PC: variants seen among roughly 807,000 people sequenced by gnomAD.
The protein encoded by PC is pyruvate carboxylase.
PC carries 46 observed loss-of-function variants against 107.8 expected under a neutral mutation model. The ratio of observed to expected loss-of-function variants is 0.43; its 90% CI spans 0.34 to 0.55. The LOEUF (loss-of-function observed/expected upper bound fraction) is 0.55. Among genes scored for constraint, PC ranks in the 20% least tolerant of loss-of-function variants. PC has a pLI of 0.04. For missense variants in PC, 1,241 were observed against 1,643.1 expected (o/e 0.76, Z 4.23); for synonymous variants, 662 against 684.7 (o/e 0.97, Z 0.52).
chr11:66,872,052 G>A lies in PC; in HGVS notation c.108C>T (p.Pro36=), dbSNP rs1226912880. The A allele has an allele frequency of 1.3e-6, 2 of 1,562,986 alleles. No individual in the cohort carries two copies. The highest frequency in any genetic ancestry group is 1.7e-6 in the Non-Finnish European group (2 of 1,153,610). The change falls in exon 4 of 23, where the codon CCC becomes CCT. Residue 36 remains proline, a synonymous_variant. Coordinates refer to ENST00000393960, the MANE Select transcript of PC (RefSeq NM_001040716.2). ...SPNVRRLEYK[P]IKKVMVANRG... ...TGTTGGCCACCATGACTTTCTTGAT[G>A]GGCTTATACTCCAGGCGCCGGACAT...
At chr11:66,919,533 G>A (rs1948544491) in intron 3 of PC, among the ~76,000 whole-genome samples, 1 of 152,210 alleles carries the variant, frequency 6.6e-6, no homozygotes, top group Non-Finnish European at 1.5e-5. Flanking sequence ...GAGATGAGAA[G>A]TCATTGGCTG....
chr11:66,875,549 G>C (rs1163794113), intron 3 of PC, among the ~76,000 whole-genome samples: 1 of 152,082 alleles, frequency 6.6e-6, no homozygotes, highest in Non-Finnish European at 1.5e-5. Flanking sequence ...GAGTCTGGCC[G>C]AGGAGGAAGA....
chr11:66,868,523 C>A (rs1946593430), intron 10 of PC, among the ~76,000 whole-genome samples: 1 of 152,180 alleles, frequency 6.6e-6, no homozygotes, highest in Non-Finnish European at 1.5e-5. Context: ...CTGTGTGACC[C>A]CGAGCAACTC....
intron 3 of PC, among the ~76,000 whole-genome samples, chr11:66,873,528 TA>T (rs1946860112): frequency 1.0e-5 from 1 of 98,292 alleles, no homozygotes; most frequent in Admixed American, 1.8e-4. Flanking sequence ...TTATATATTA[TA>T]ATATATATTA....
At chr11:66,948,867 T>C (rs1312491527) in intron 3 of PC, among the ~76,000 whole-genome samples, 2 of 151,790 alleles carry the variant, frequency 1.3e-5, no homozygotes, top group Non-Finnish European at 2.9e-5. Context: ...AAACAAAACA[T>C]AAAACGGTAT....
At chr11:66,951,707 T>A (rs1949442283) in intron 3 of PC, among the ~76,000 whole-genome samples, 1 of 151,942 alleles carries the variant, frequency 6.6e-6, no homozygotes, top group African/African-American at 2.4e-5. Context: ...CTGGCCAACA[T>A]GGTAAAACCC....
intron 3 of PC, among the ~76,000 whole-genome samples, chr11:66,916,726 G>A (rs377068269): frequency 3.3e-5 from 5 of 152,152 alleles, no homozygotes; most frequent in African/African-American, 1.2e-4. Context: ...AGGCCGAGGC[G>A]TGCGGATCAC....
At chr11:66,861,631 G>A (rs116263602) in intron 12 of PC, among the ~76,000 whole-genome samples, 110 of 152,144 alleles carry the variant, frequency 7.2e-4, no homozygotes, top group East Asian at 3.1e-3. Context: ...AGGAGTGGGC[G>A]GGGGCGCGGG....
At chr11:66,922,283 A>C (rs963080312) in intron 3 of PC, among the ~76,000 whole-genome samples, 2 of 152,154 alleles carry the variant, frequency 1.3e-5, no homozygotes, top group African/African-American at 4.8e-5. Context: ...TGGAAAAAGC[A>C]ATGAGCCTAG....
intron 1 of PC, among the ~76,000 whole-genome samples, chr11:66,956,368 T>C (rs2136166350): frequency 6.6e-6 from 1 of 151,980 alleles, no homozygotes; most frequent in East Asian, 2.0e-4. Flanking sequence ...GCGGATCACC[T>C]GAGGTCAGGA....
chr11:66,855,786 C>A (rs776008756), intron 12 of PC, among the ~76,000 whole-genome samples: 1 of 152,200 alleles, frequency 6.6e-6, no homozygotes, highest in Non-Finnish European at 1.5e-5. Flanking sequence ...CCTCCCCTCT[C>A]GCCCCTAGGA....
At chr11:66,929,409 C>G (rs1948792729) in intron 3 of PC, among the ~76,000 whole-genome samples, 1 of 152,140 alleles carries the variant, frequency 6.6e-6, no homozygotes. Context: ...CTCTGTCCCC[C>G]AGGCTGGAGT....
chr11:66,855,585 C>A (rs1376401473), intron 12 of PC, among the ~76,000 whole-genome samples: 1 of 152,212 alleles, frequency 6.6e-6, no homozygotes, highest in African/African-American at 2.4e-5. Context: ...AGGCATGAAC[C>A]ACTGCACCCG....
In PC at chr11:66,857,155, C is replaced by T. The variant is rs1448018821; in HGVS notation, c.1369-3772G>A. 2 of 148,592 alleles carry T rather than the reference C, an allele frequency of 1.3e-5. No homozygotes were observed. The highest frequency in any genetic ancestry group is 3.0e-5 in the Non-Finnish European group (2 of 66,626). 9.2% of individuals were successfully genotyped at this position (148,592 alleles called of 1,614,324 possible). A position where few individuals can be genotyped will look rare whatever the true frequency, so the allele number is the denominator to read the frequency against. On this transcript the variant is annotated intron_variant, in intron 12 of 22. Transcript: ENST00000393960. This position sits in a 1 kb window ranked among gnomAD's most constrained non-coding sequence, Gnocchi z 7.1. The stretch of plus-strand genomic sequence containing the variant: ...ACCGAGCGAGCCGGGGCCGCGGGCC[C>T]GAGCGCCATGGGCCCGAGGGTGGGC...
At position 66,870,896 on chromosome 11, in the gene PC, C is replaced by G. The variant is rs368096991; in HGVS notation, c.634-4G>C. The G allele has an allele frequency of 3.1e-6, 5 of 1,611,388 alleles. No homozygotes were observed. In the African/African-American group the frequency reaches 6.7e-5, roughly 22 times the overall value. ...GGGTGTAATTCTCCTCCAGCTCCTG[C>G]GAGGGCGGGCAGGGGCCAGCCAGAC... On this transcript the variant is annotated splice_polypyrimidine_tract_variant and splice_region_variant and intron_variant, in intron 7 of 22. Transcript: ENST00000393960. The surrounding 1 kb of genome is among the most constrained non-coding windows in gnomAD (Gnocchi z 6.1).
At chr11:66,886,181 G>A (rs959499332) in intron 3 of PC, among the ~76,000 whole-genome samples, 1 of 150,802 alleles carries the variant, frequency 6.6e-6, no homozygotes, top group African/African-American at 2.4e-5. Context: ...AGGAAGGGAC[G>A]TCCAGAGGGA....
rs1239423224 is a variant in PC at position 66,848,597 on chromosome 11, G to GAGAT, written c.*298_*301dup. ...CATCTTAGATCTCCCCTTCCCCCAG[G>GAGAT]AGATAGGACCCCTAAACCTCCCCTG... On this transcript the variant is annotated 3_prime_UTR_variant, in exon 23 of 23. Coordinates refer to ENST00000393960, the MANE Select transcript of PC (RefSeq NM_001040716.2). 7 of 599,438 alleles carry GAGAT rather than the reference G, an allele frequency of 1.2e-5. No individual in the cohort carries two copies. The highest frequency in any genetic ancestry group is 7.4e-5 in the African/African-American group (4 of 53,824). The allele number at this position is 599,438 out of a possible 1,614,324, so 37.1% of individuals were successfully genotyped here. A position where few individuals can be genotyped will look rare whatever the true frequency, so the allele number is the denominator to read the frequency against.
At chr11:66,938,787 C>G (rs1366621651) in intron 3 of PC, among the ~76,000 whole-genome samples, 1 of 152,138 alleles carries the variant, frequency 6.6e-6, no homozygotes, top group African/African-American at 2.4e-5. Flanking sequence ...GATTAGGATA[C>G]ATGAGCTATT....
At chr11:66,951,256 C>T (rs752725618) in intron 3 of PC, among the ~76,000 whole-genome samples, 11 of 152,202 alleles carry the variant, frequency 7.2e-5, no homozygotes, top group Non-Finnish European at 1.3e-4. Context: ...AAGGCCACAG[C>T]GGGCCTGAAG....
Sources: allele counts gnomAD v4.1 joint callset (sites outside exome capture counted in the v4.1 genomes callset), GRCh38; gene constraint gnomAD v4.1.1; non-coding constraint Gnocchi (gnomAD v3.1); transcripts MANE v1.5; gene names NCBI Gene and HGNC (gene_info 2026-07-23, HGNC 2026-07-21).